Variants in SMTN observed in about 807,000 individuals in gnomAD.
SMTN encodes smoothelin.
In SMTN, 58 loss-of-function variants were observed where a neutral mutation model predicts 102.0. That is an observed-to-expected ratio of 0.57 (90% CI 0.46 to 0.71). The LOEUF is 0.71. Ranked by LOEUF, SMTN falls within the 30% of genes least tolerant of loss-of-function variation. The pLI is 0.00. For missense variants in SMTN, 1,185 were observed against 1,241.7 expected (o/e 0.95, Z 0.69); for synonymous variants, 478 against 497.9 (o/e 0.96, Z 0.53).
chr22:31,080,406 G>T (rs2042246349), upstream of SMTN: 1 of 152,174 alleles, frequency 6.6e-6, no homozygotes, highest in South Asian at 2.1e-4. Context: ...CCTGGTACAT[G>T]GCAAGTACAA....
intron 1 of SMTN, among the ~76,000 whole-genome samples, chr22:31,069,315 C>T (rs1381466270): frequency 2.0e-5 from 3 of 152,072 alleles, no homozygotes; most frequent in Non-Finnish European, 2.9e-5. Flanking sequence ...TCAGGCGCCC[C>T]GCTGGGGACT....
upstream of SMTN, chr22:31,080,612 C>T (rs1002486463): frequency 6.6e-6 from 1 of 152,204 alleles, no homozygotes; most frequent in Non-Finnish European, 1.5e-5. Context: ...CATGTCAGCT[C>T]TCTCTGGGCC....
rs373942859 is a variant in SMTN, at chr22:31,091,424, C to A, written c.1401C>A (p.Asp467Glu). 6.4e-7 allele frequency: 1 copy of A among 1,553,804 alleles called. No homozygotes were observed. ...MKTTFTIEIK[D>E]GRGQASTGRV... is the part of the protein sequence containing the mutation. ...CCACATTCACCATCGAGATCAAGGA[C>A]GGCCGTGGCCAGGCCTCCACAGGCC... Residue 467 changes from aspartate to glutamate, a missense_variant, in exon 10 of 21, where the codon GAC becomes GAA. Physicochemically the swap from Asp to Glu is conservative, Grantham distance 45. This residue lies in a region of SMTN where 1,096 missense variants were observed against 1,112.7 expected (regional missense o/e 0.98). Coordinates refer to ENST00000333137, the MANE Select transcript of SMTN (RefSeq NM_134269.3).
intron 11 of SMTN, among the ~76,000 whole-genome samples, chr22:31,094,280 A>G (rs146422012): frequency 3.2e-4 from 49 of 152,360 alleles, no homozygotes; most frequent in African/African-American, 1.1e-3. Flanking sequence ...CTGCAGGGCT[A>G]GAGACTCCTT....
rs955587574 is a variant in SMTN, at chr22:31,099,193, G to A, written c.2451+14G>A. 7 of 1,587,168 alleles carry A rather than the reference G, an allele frequency of 4.4e-6. No homozygotes were observed. In the African/African-American group the frequency reaches 8.1e-5, roughly 18 times the overall value. ...CGCGGCTACGAGGTGAGCCCCGGGA[G>A]GCCAGGGGGCCTGGAGGCCTCCCCA... On this transcript the variant is annotated intron_variant, in intron 18 of 20. Transcript: ENST00000333137.
chr22:31,104,387 AGT>A lies in SMTN; in HGVS notation c.*97_*98del, dbSNP rs2147845187. On this transcript the variant is annotated 3_prime_UTR_variant, in exon 21 of 21. Transcript: ENST00000333137. ...ATCATGGGCAAGAAGCCTGACCCCA[AGT>A]GTGTCTTCACCTATGTGCAGTCGCT... The A allele has an allele frequency of 6.2e-7, 1 of 1,614,154 alleles. No homozygotes were observed.
chr22:31,089,046 TA>T, intron 6 of SMTN, 77 bp downstream of exon 6: 1 of 1,206,826 alleles, frequency 8.3e-7, no homozygotes. Context: ...GTGTCTTTGC[TA>T]GGCTGGTATT....
At chr22:31,083,427 G>A (rs1569240287) in intron 2 of SMTN, 118 bp downstream of exon 2, 1 of 1,273,110 alleles carries the variant, frequency 7.9e-7, no homozygotes. Context: ...AGGAGGAGGG[G>A]GACATGGGAA....
intron 1 of SMTN, chr22:31,065,317 T>A (rs1052779910): frequency 6.6e-6 from 1 of 152,094 alleles, no homozygotes; most frequent in Non-Finnish European, 1.5e-5. Context: ...AATAAGACCA[T>A]GCAAAAATGT....
At position 31,095,669 on chromosome 22, in the gene SMTN, A is replaced by G; in HGVS notation, c.1861+60A>G. 2 of 1,474,514 alleles carry G rather than the reference A, an allele frequency of 1.4e-6. No individual in the cohort carries two copies. Among genetic ancestry groups the G allele is most frequent in the East Asian group, 2.4e-5 (1 of 41,892 alleles). 91.3% of individuals were successfully genotyped at this position (1,474,514 alleles called of 1,614,324 possible). The stretch of plus-strand genomic sequence containing the variant: ...GCCCCATTCCCCAGCTGCTCCCCTC[A>G]TACTCTGGGGTCCATTTGTGGACAC... On this transcript the variant is annotated intron_variant, in intron 13 of 20. Transcript: ENST00000333137. The surrounding 1 kb of genome is among the most constrained non-coding windows in gnomAD (Gnocchi z 4.1).
chr22:31,099,446 G>T lies in SMTN; in HGVS notation c.2451+267G>T. ...ATCCCACTCTTGGAGTCCCCTCCTTGTTGCTCTGTAGGAGGCCCTGAGTCA... is the reference window on the plus strand; with the variant it reads ...ATCCCACTCTTGGAGTCCCCTCCTTTTTGCTCTGTAGGAGGCCCTGAGTCA... On this transcript the variant is annotated intron_variant, in intron 18 of 20. Transcript: ENST00000333137. The T allele has an allele frequency of 1.9e-5, 11 of 587,502 alleles. No homozygotes were observed. The South Asian group carries it at 2.1e-4, about 11-fold the overall frequency. 36.4% of individuals were successfully genotyped at this position (587,502 alleles called of 1,614,324 possible).
chr22:31,086,842 G>A (rs2042736726), intron 2 of SMTN, among the ~76,000 whole-genome samples: 1 of 152,152 alleles, frequency 6.6e-6, no homozygotes, highest in Non-Finnish European at 1.5e-5. Flanking sequence ...GGCTGAGTTG[G>A]GCCAGCCCAC....
At chr22:31,066,448 C>T (rs1230999186) in intron 1 of SMTN, 1 of 152,184 alleles carries the variant, frequency 6.6e-6, no homozygotes, top group African/African-American at 2.4e-5. Context: ...GCTGGGACTA[C>T]AGTGATGCAC....
Position 31,091,821 on chromosome 22 carries a change from A to C in SMTN, c.1606A>C (p.Ser536Arg). The C allele has an allele frequency of 6.3e-7, 1 of 1,597,580 alleles. No homozygotes were observed. The highest frequency in any genetic ancestry group is 8.5e-7 in the Non-Finnish European group (1 of 1,171,254). ...HVTSFSHAPP[S>R]SRGGCSIKME... is the part of the protein sequence containing the mutation. ...CACCAGCTTCAGCCATGCCCCCCCC[A>C]GTAGCCGAGGAGGCTGCAGCATCAA... Residue 536 changes from serine to arginine, a missense_variant, in exon 11 of 21, where the codon AGT (serine) becomes CGT (arginine). Physicochemically the swap from Ser to Arg is moderately radical, Grantham distance 110. Around this residue, in one of 2 missense-constraint regions of SMTN, gnomAD observed 1,096 missense variants for 1,112.7 expected, o/e 0.98. Coordinates refer to ENST00000333137, the MANE Select transcript of SMTN (RefSeq NM_134269.3).
chr22:31,079,285 GAC>G (rs1459580609), upstream of SMTN, among the ~76,000 whole-genome samples: 11 of 152,260 alleles, frequency 7.2e-5, no homozygotes, highest in Non-Finnish European at 5.9e-5. Context: ...CAGAGAGGAA[GAC>G]AGAGGCAGGC....
intron 11 of SMTN, chr22:31,093,845 C>A: frequency 6.3e-7 from 1 of 1,586,262 alleles, no homozygotes; most frequent in Non-Finnish European, 8.5e-7. Context: ...CGCCGCCGCT[C>A]CTCCACCGGC....
At chr22:31,085,213 T>C in intron 2 of SMTN, 1 of 1,535,092 alleles carries the variant, frequency 6.5e-7, no homozygotes, top group South Asian at 1.2e-5. Context: ...GTTTCTTCCC[T>C]TTAGATCCGG....
At chr22:31,100,795 T>A (rs906017975) in intron 19 of SMTN, 90 bp from the exon 20 acceptor site, 1 of 669,756 alleles carries the variant, frequency 1.5e-6, no homozygotes, top group African/African-American at 1.8e-5. Flanking sequence ...CTCCCCTCTC[T>A]CTTCTCTGCC....
intron 1 of SMTN, chr22:31,082,456 C>CT (rs1270022816): frequency 2.1e-6 from 1 of 470,006 alleles, no homozygotes; most frequent in Admixed American, 2.4e-5. Flanking sequence ...TCTCTGCCCT[C>CT]TAAGTCTTTG....
Sources: allele counts gnomAD v4.1 joint callset (sites outside exome capture counted in the v4.1 genomes callset), GRCh38; gene constraint gnomAD v4.1.1; regional missense constraint gnomAD v4.1.1; non-coding constraint Gnocchi (gnomAD v3.1); transcripts MANE v1.5; gene names NCBI Gene and HGNC (gene_info 2026-07-23, HGNC 2026-07-21).